The following PPARGC1A variants were observed in gnomAD, a reference collection of about 807,000 sequenced individuals.
PPARGC1A encodes the protein PPARG coactivator 1 alpha.
A neutral mutation model predicts 88.7 loss-of-function variants in PPARGC1A; 25 were observed. That is an observed-to-expected ratio of 0.28 (90% CI 0.21 to 0.39). PPARGC1A has a LOEUF of 0.39. Ranked by LOEUF, PPARGC1A falls within the 10% of genes least tolerant of loss-of-function variation. PPARGC1A has a pLI of 1.00. For synonymous variants in PPARGC1A, 363 were observed against 355.6 expected (o/e 1.02, Z -0.24); for missense variants, 880 against 968.7 (o/e 0.91, Z 1.22).
At chr4:24,400,852 A>T in the PPARGC1A span, among the ~76,000 whole-genome samples, 3 of 152,132 alleles carry the variant, frequency 2.0e-5, no homozygotes, top group East Asian at 5.8e-4. Context: ...TGTGAGGCAG[A>T]TATGCCAAGT....
the PPARGC1A span, among the ~76,000 whole-genome samples, chr4:24,019,197 T>C: frequency 6.6e-6 from 1 of 152,184 alleles, no homozygotes. Context: ...GTGAAGAACA[T>C]CTTTCCAACC....
chr4:24,335,463 C>G, the PPARGC1A span, among the ~76,000 whole-genome samples: 3 of 152,120 alleles, frequency 2.0e-5, no homozygotes, highest in Admixed American at 6.5e-5. Context: ...GTCTTCCCTC[C>G]TCTATAGGGT....
At chr4:24,296,590 C>T in the PPARGC1A span, among the ~76,000 whole-genome samples, 3 of 152,030 alleles carry the variant, frequency 2.0e-5, no homozygotes, top group East Asian at 1.9e-4. Flanking sequence ...TGGTTGGTGG[C>T]CATGATGTTT....
chr4:24,052,743 T>A, the PPARGC1A span, among the ~76,000 whole-genome samples: 1 of 152,072 alleles, frequency 6.6e-6, no homozygotes, highest in Non-Finnish European at 1.5e-5. Flanking sequence ...GTCCTTCTTT[T>A]CTCCCTGTCT....
the PPARGC1A span, among the ~76,000 whole-genome samples, chr4:24,372,250 A>G: frequency 6.6e-6 from 1 of 152,228 alleles, no homozygotes; most frequent in Non-Finnish European, 1.5e-5. Context: ...TAAATGCCAA[A>G]TAAGGGAGTT....
At chr4:24,265,855 AAG>A in the PPARGC1A span, among the ~76,000 whole-genome samples, 3 of 152,016 alleles carry the variant, frequency 2.0e-5, no homozygotes, top group Non-Finnish European at 4.4e-5. Context: ...AATAGAGAGA[AAG>A]AGAGAGAAGG....
At chr4:24,031,925 C>A in the PPARGC1A span, among the ~76,000 whole-genome samples, 11 of 152,138 alleles carry the variant, frequency 7.2e-5, no homozygotes, top group Non-Finnish European at 1.6e-4. Flanking sequence ...GAAGCTGAAG[C>A]CCAGAGAGGG....
At chr4:23,982,910 C>A in the PPARGC1A span, among the ~76,000 whole-genome samples, 1 of 152,022 alleles carries the variant, frequency 6.6e-6, no homozygotes, top group Non-Finnish European at 1.5e-5. Flanking sequence ...GCCCATGGGC[C>A]GAATTTGGCT....
chr4:24,031,640 T>G, the PPARGC1A span, among the ~76,000 whole-genome samples: 152 of 152,272 alleles, frequency 1.0e-3, 1 homozygote, highest in African/African-American at 3.6e-3. Flanking sequence ...GTCCTACACA[T>G]TGTTCGATGT....
chr4:24,267,167 A>T, the PPARGC1A span, among the ~76,000 whole-genome samples: 3 of 152,178 alleles, frequency 2.0e-5, no homozygotes, highest in East Asian at 5.8e-4. Flanking sequence ...ACATTTCTCA[A>T]CATTCCACCC....
At chr4:24,099,597 G>A in the PPARGC1A span, among the ~76,000 whole-genome samples, 1 of 152,154 alleles carries the variant, frequency 6.6e-6, no homozygotes, top group Non-Finnish European at 1.5e-5. Context: ...TGAATTTAAA[G>A]GTTCTGGAAA....
the PPARGC1A span, among the ~76,000 whole-genome samples, chr4:24,017,392 A>C: frequency 1.3e-5 from 2 of 152,146 alleles, no homozygotes; most frequent in Non-Finnish European, 2.9e-5. Context: ...ATGAATGATG[A>C]GGGTGAGTTT....
At chr4:23,941,894 C>T in the PPARGC1A span, among the ~76,000 whole-genome samples, 1 of 152,170 alleles carries the variant, frequency 6.6e-6, no homozygotes, top group Non-Finnish European at 1.5e-5. Flanking sequence ...CTGCTTACCT[C>T]TACTACTAAG....
chr4:24,294,015 T>A, the PPARGC1A span, among the ~76,000 whole-genome samples: 1 of 152,208 alleles, frequency 6.6e-6, no homozygotes, highest in Admixed American at 6.5e-5. Flanking sequence ...AAAATCTATA[T>A]AACTGGCCCT....
At chr4:23,927,722 C>T in the PPARGC1A span, among the ~76,000 whole-genome samples, 2 of 152,146 alleles carry the variant, frequency 1.3e-5, no homozygotes, top group Non-Finnish European at 2.9e-5. Flanking sequence ...GAGAATAACT[C>T]AGCCAAGTTT....
At chr4:24,171,199 G>A in the PPARGC1A span, among the ~76,000 whole-genome samples, 1 of 151,892 alleles carries the variant, frequency 6.6e-6, no homozygotes, top group Non-Finnish European at 1.5e-5. Context: ...ATCGGTCAAG[G>A]GATCGAGACC....
the PPARGC1A span, among the ~76,000 whole-genome samples, chr4:24,222,578 T>C: frequency 6.6e-6 from 1 of 152,232 alleles, no homozygotes; most frequent in African/African-American, 2.4e-5. Flanking sequence ...TCATATTCTA[T>C]AAGCAGCATC....
At chr4:24,308,857 T>A in the PPARGC1A span, among the ~76,000 whole-genome samples, 1 of 152,248 alleles carries the variant, frequency 6.6e-6, no homozygotes, top group South Asian at 2.1e-4. Context: ...CCCAGAGTCA[T>A]CCAGCTAATT....
chr4:24,443,990 T>C, the PPARGC1A span, among the ~76,000 whole-genome samples: 3 of 152,338 alleles, frequency 2.0e-5, no homozygotes, highest in South Asian at 4.1e-4. Context: ...AGTAAAGTTG[T>C]TGCAAAAAGG....
Sources: allele counts gnomAD v4.1 joint callset (sites outside exome capture counted in the v4.1 genomes callset), GRCh38; gene constraint gnomAD v4.1.1; transcripts MANE v1.5; gene names NCBI Gene and HGNC (gene_info 2026-07-23, HGNC 2026-07-21).